Variants in DTNA observed in about 807,000 individuals in gnomAD.
The protein encoded by DTNA is dystrobrevin alpha.
Under a neutral mutation model 100.7 loss-of-function variants are expected in DTNA, and 43 were observed. The ratio of observed to expected loss-of-function variants is 0.43; its 90% CI spans 0.33 to 0.55. DTNA has a LOEUF of 0.55. Among genes scored for constraint, DTNA ranks in the 20% least tolerant of loss-of-function variants. The pLI is 0.04. For missense variants in DTNA, 798 were observed against 953.9 expected (o/e 0.84, Z 2.15); for synonymous variants, 349 against 347.9 (o/e 1.00, Z -0.04).
chr18:34,715,228 A>T (rs2083787786), intron 1 of DTNA, among the ~76,000 whole-genome samples: 1 of 151,588 alleles, frequency 6.6e-6, no homozygotes, highest in Non-Finnish European at 1.5e-5. Context: ...AGAAAAAAAA[A>T]TGATTAAACT....
chr18:34,847,562 A>C (rs2096402272), intron 13 of DTNA, among the ~76,000 whole-genome samples: 1 of 152,194 alleles, frequency 6.6e-6, no homozygotes, highest in East Asian at 1.9e-4. Flanking sequence ...ATGTCACTTA[A>C]GGCTGTGATC....
chr18:34,684,893 GA>G, intron 1 of DTNA, among the ~76,000 whole-genome samples: 1 of 152,294 alleles, frequency 6.6e-6, no homozygotes, highest in Admixed American at 6.5e-5. Context: ...TTTCTCTAAT[GA>G]CCAGTGATGA....
chr18:34,708,686 C>T (rs2082416041), upstream of DTNA, among the ~76,000 whole-genome samples: 1 of 152,190 alleles, frequency 6.6e-6, no homozygotes, highest in Non-Finnish European at 1.5e-5. Flanking sequence ...ATTGTTAATG[C>T]ACATCTTGTT....
At chr18:34,822,719 A>T (rs942577196) in intron 9 of DTNA, among the ~76,000 whole-genome samples, 2 of 152,170 alleles carry the variant, frequency 1.3e-5, no homozygotes, top group African/African-American at 4.8e-5. Flanking sequence ...AATAATTTTT[A>T]CATTTTGACT....
chr18:34,558,339 C>T (rs904658387), intron 1 of DTNA, among the ~76,000 whole-genome samples: 7 of 152,202 alleles, frequency 4.6e-5, no homozygotes, highest in African/African-American at 1.2e-4. Context: ...CTGCGTCGCT[C>T]ACCCTGGGAG....
At chr18:34,825,360 A>C in intron 9 of DTNA, 1 of 1,539,322 alleles carries the variant, frequency 6.5e-7, no homozygotes, top group African/African-American at 1.4e-5. Context: ...ACAAGTGAGC[A>C]ATATGAGGCT....
At chr18:34,666,613 G>C (rs2075966780) in intron 1 of DTNA, among the ~76,000 whole-genome samples, 1 of 152,166 alleles carries the variant, frequency 6.6e-6, no homozygotes, top group Admixed American at 6.5e-5. Context: ...GTATAAGGAA[G>C]GGATCCAGTT....
chr18:34,742,322 G>A lies in DTNA; in HGVS notation c.-1-13654G>A, dbSNP rs896902642. 3.9e-5 allele frequency among the ~76,000 whole-genome samples: 6 copies of A among 152,256 alleles called. No homozygotes were observed. In the South Asian group the frequency reaches 1.2e-3, roughly 32 times the overall value. ...CCAGAAGTCTGAAGTGGGTCTTACTGTACTAAAATTAGAGTGTTGGCAGGG... is the reference window on the plus strand; with the variant it reads ...CCAGAAGTCTGAAGTGGGTCTTACTATACTAAAATTAGAGTGTTGGCAGGG... On this transcript the variant is annotated intron_variant, in intron 1 of 22. Transcript: ENST00000444659.
At chr18:34,791,827 C>T (rs1156382144) in intron 3 of DTNA, among the ~76,000 whole-genome samples, 1 of 152,176 alleles carries the variant, frequency 6.6e-6, no homozygotes, top group Non-Finnish European at 1.5e-5. Context: ...GTACCAGGAA[C>T]TACCACTTTT....
intron 1 of DTNA, among the ~76,000 whole-genome samples, chr18:34,721,774 G>T (rs528071388): frequency 6.6e-6 from 1 of 152,100 alleles, no homozygotes; most frequent in East Asian, 1.9e-4. Context: ...GTATGTGTTT[G>T]TCTTTGTACC....
At position 34,872,298 on chromosome 18, in the gene DTNA, T is replaced by C. The variant is rs560990372; in HGVS notation, c.1744-2941T>C. ...AAAGGAGGTGGAAGGGCCAGACATA[T>C]GAGTCTTCTTACAAATGCTGCCTAG... On this transcript the variant is annotated intron_variant, in intron 17 of 22. Coordinates refer to ENST00000444659, the MANE Select transcript of DTNA (RefSeq NM_001386795.1). Among the ~76,000 whole-genome samples the C allele has an allele frequency of 9.5e-4, 144 of 152,204 alleles. 1 individual carries two copies. Among genetic ancestry groups the C allele is most frequent in the African/African-American group, 3.3e-3 (137 of 41,528 alleles).
At chr18:34,866,912 T>C (rs1603301090) in intron 17 of DTNA, 1 of 1,138,780 alleles carries the variant, frequency 8.8e-7, no homozygotes, top group Non-Finnish European at 1.1e-6. Flanking sequence ...ATTGTGACTT[T>C]ATAGCCTAAA....
chr18:34,844,879 C>T (rs1281368262), intron 13 of DTNA, among the ~76,000 whole-genome samples: 3 of 152,074 alleles, frequency 2.0e-5, no homozygotes, highest in Non-Finnish European at 4.4e-5. Context: ...CTTGAGTTTC[C>T]TGGAATGCCA....
intron 1 of DTNA, among the ~76,000 whole-genome samples, chr18:34,550,045 T>TA (rs886867390): frequency 7.9e-5 from 12 of 152,150 alleles, no homozygotes; most frequent in African/African-American, 1.9e-4. Context: ...CTCTCTGCCT[T>TA]AAAAATCCCA....
intron 1 of DTNA, among the ~76,000 whole-genome samples, chr18:34,599,249 G>C (rs1236152034): frequency 6.6e-6 from 1 of 152,176 alleles, no homozygotes; most frequent in Admixed American, 6.5e-5. Context: ...TTAATGAAAT[G>C]TTCAAACTCA....
intron 1 of DTNA, among the ~76,000 whole-genome samples, chr18:34,509,322 A>G (rs1237290404): frequency 4.6e-5 from 7 of 152,204 alleles, no homozygotes; most frequent in Admixed American, 3.9e-4. Context: ...CTTGGTTGAC[A>G]TTTTTTAAAT....
intron 1 of DTNA, among the ~76,000 whole-genome samples, chr18:34,635,414 T>A (rs1286337413): frequency 6.6e-6 from 1 of 152,234 alleles, no homozygotes; most frequent in African/African-American, 2.4e-5. Flanking sequence ...ATGGCAGTTC[T>A]ATATTTAATA....
chr18:34,696,663 GCCTCA>G (rs1453789572), intron 1 of DTNA, among the ~76,000 whole-genome samples: 10 of 152,290 alleles, frequency 6.6e-5, no homozygotes, highest in Admixed American at 3.9e-4. Flanking sequence ...CACTGCCATT[GCCTCA>G]CCTTCCCAGC....
Position 34,515,602 on chromosome 18 carries a change from A to G in DTNA, c.-2+22088A>G, listed in dbSNP as rs190592583. 8.1e-4 allele frequency among the ~76,000 whole-genome samples: 124 copies of G among 152,152 alleles called. 1 individual carries two copies. Among genetic ancestry groups the G allele is most frequent in the Middle Eastern group, 3.4e-3 (1 of 294 alleles). Reference sequence around the variant, plus strand: ...AAATATGTTACTGTTGTTCTCTACTACTTGTGTTTTAATAGGATGGTGCTG... The same window carrying G: ...AAATATGTTACTGTTGTTCTCTACTGCTTGTGTTTTAATAGGATGGTGCTG... On this transcript the variant is annotated intron_variant, in intron 1 of 19. Transcript: ENST00000283365.
Sources: allele counts gnomAD v4.1 joint callset (sites outside exome capture counted in the v4.1 genomes callset), GRCh38; gene constraint gnomAD v4.1.1; transcripts MANE v1.5; gene names NCBI Gene and HGNC (gene_info 2026-07-23, HGNC 2026-07-21).